CECR2: variants seen among roughly 807,000 people sequenced by gnomAD.
The protein encoded by CECR2 is CECR2 histone acetyl-lysine reader, also known as chromatin remodeling regulator CECR2.
CECR2 carries 30 observed loss-of-function variants against 154.5 expected under a neutral mutation model. The ratio of observed to expected loss-of-function variants is 0.19; its 90% CI spans 0.15 to 0.26. The LOEUF (loss-of-function observed/expected upper bound fraction) is 0.26, where lower values mean the gene tolerates loss of function less well. Ranked by LOEUF, CECR2 falls within the 10% of genes least tolerant of loss-of-function variation. The pLI, the probability that CECR2 is intolerant of heterozygous loss-of-function variation, is 1.00. For synonymous variants in CECR2, 725 were observed against 683.7 expected, an observed-to-expected ratio of 1.06 and a Z score of -0.94; for missense variants, 1,743 against 1,829.3, an observed-to-expected ratio of 0.95 and a Z score of 0.86.
At chr22:17,382,120 G>A (rs550679506) in intron 1 of CECR2, among the ~76,000 whole-genome samples, 21 of 151,408 alleles carry the variant, frequency 1.4e-4, no homozygotes, top group Non-Finnish European at 2.2e-4. Flanking sequence ...TTGATCTCCT[G>A]ACCTTGTGAT....
Position 17,548,217 on chromosome 22 carries a change from A to C in CECR2, c.2930A>C (p.Gln977Pro). Residue 977 changes from glutamine to proline, a missense_variant, in exon 17 of 19, where the codon CAA (glutamine) becomes CCA (proline). Physicochemically the swap from Gln to Pro is moderately conservative, Grantham distance 76. Coordinates refer to ENST00000262608, the MANE Select transcript of CECR2 (RefSeq NM_001290047.2). ...ACTTCAGAGGGGGTCTACCTCACAC[A>C]ACTACCTCACCCCACACCTCCCCTG... ...VGTSEGVYLT[Q>P]LPHPTPPLQT... 1.3e-6 allele frequency: 2 copies of C among 1,594,878 alleles called. No homozygotes were observed. The highest frequency in any genetic ancestry group is 2.3e-5 in the South Asian group (2 of 88,108).
chr22:17,499,636 T>G (rs555971972), intron 4 of CECR2, 87 bp downstream of exon 4: 2 of 1,366,670 alleles, frequency 1.5e-6, no homozygotes, highest in Admixed American at 5.6e-5. Flanking sequence ...GCACAATTTT[T>G]TTTTCCTAAT....
Position 17,552,055 on chromosome 22 carries a change from G to T in CECR2, c.4302G>T (p.Ser1434=), listed in dbSNP as rs746790177. Residue 1434 remains serine (S), a synonymous_variant, in exon 18 of 19, where the codon TCG becomes TCT. Transcript: ENST00000262608. The part of the protein sequence containing the change: ...PSGMQMHPVQ[S]QASFPKTPTA... ...GAATGCAGATGCACCCGGTCCAGTC[G>T]CAGGCCTCGTTCCCAAAGACCCCCA... 51 of 1,613,798 alleles carry T rather than the reference G, an allele frequency of 3.2e-5. 1 individual carries two copies. The South Asian group carries it at 4.6e-4, about 15-fold the overall frequency.
intron 8 of CECR2, among the ~76,000 whole-genome samples, chr22:17,522,010 T>A (rs893253204): frequency 5.9e-5 from 9 of 152,336 alleles, no homozygotes; most frequent in African/African-American, 2.2e-4. Flanking sequence ...AAATACGGAA[T>A]CCTTTCCCTG....
intron 2 of CECR2, among the ~76,000 whole-genome samples, chr22:17,485,450 C>A (rs891537852): frequency 6.6e-6 from 1 of 152,162 alleles, no homozygotes; most frequent in Non-Finnish European, 1.5e-5. Flanking sequence ...TAAGATTACA[C>A]CCGAACCCAA....
At chr22:17,432,936 A>G (rs906533601) in intron 1 of CECR2, among the ~76,000 whole-genome samples, 3 of 152,228 alleles carry the variant, frequency 2.0e-5, no homozygotes, top group African/African-American at 7.2e-5. Flanking sequence ...TATTGATGAC[A>G]GTCAGATGCT....
At chr22:17,411,254 C>T (rs1306707426) in intron 1 of CECR2, among the ~76,000 whole-genome samples, 1 of 152,122 alleles carries the variant, frequency 6.6e-6, no homozygotes, top group East Asian at 1.9e-4. Flanking sequence ...TTTCTACCTG[C>T]CTTATGGGAA....
intron 1 of CECR2, among the ~76,000 whole-genome samples, chr22:17,430,830 G>C (rs762648267): frequency 1.3e-5 from 2 of 152,036 alleles, no homozygotes; most frequent in African/African-American, 4.8e-5. Flanking sequence ...CATTGGCTAC[G>C]TAAGTCATAA....
At chr22:17,509,203 A>G (rs1328134955) in intron 7 of CECR2, among the ~76,000 whole-genome samples, 2 of 152,192 alleles carry the variant, frequency 1.3e-5, no homozygotes, top group East Asian at 3.8e-4. Context: ...GTGAGATGAG[A>G]TCGCACCACT....
At chr22:17,362,540 T>A (rs1405703557) in intron 1 of CECR2, among the ~76,000 whole-genome samples, 1 of 129,502 alleles carries the variant, frequency 7.7e-6, no homozygotes, top group Non-Finnish European at 1.8e-5. Context: ...AAAAAATAAT[T>A]TTTTAGTTCA....
intron 2 of CECR2, among the ~76,000 whole-genome samples, chr22:17,488,395 C>G (rs376774212): frequency 6.6e-6 from 1 of 152,188 alleles, no homozygotes; most frequent in African/African-American, 2.4e-5. Flanking sequence ...AGTCACTATC[C>G]TACTGAAGAA....
chr22:17,414,190 T>C (rs926675472), intron 1 of CECR2, among the ~76,000 whole-genome samples: 13 of 151,700 alleles, frequency 8.6e-5, no homozygotes, highest in East Asian at 1.9e-4. Context: ...GCCAGGATGG[T>C]CTCGATCGCC....
intron 6 of CECR2, among the ~76,000 whole-genome samples, chr22:17,504,175 C>T (rs1420639350): frequency 6.6e-6 from 1 of 151,962 alleles, no homozygotes; most frequent in Non-Finnish European, 1.5e-5. Flanking sequence ...AATTAGAGCC[C>T]AGCCTGGACA....
intron 1 of CECR2, among the ~76,000 whole-genome samples, chr22:17,411,474 G>T (rs371038087): frequency 7.4e-4 from 112 of 152,294 alleles, no homozygotes; most frequent in African/African-American, 2.6e-3. Context: ...TAATGGGCCT[G>T]GGATGTGCAA....
At chr22:17,488,125 GC>G (rs759414450) in intron 2 of CECR2, among the ~76,000 whole-genome samples, 4 of 151,900 alleles carry the variant, frequency 2.6e-5, no homozygotes, top group South Asian at 2.1e-4. Context: ...CAGGTGATCT[GC>G]CCCCCCTTGG....
chr22:17,539,147 T>C (rs1250230790), intron 13 of CECR2, 28 bp downstream of exon 13: 1 of 1,607,820 alleles, frequency 6.2e-7, no homozygotes, highest in Admixed American at 1.7e-5. Context: ...TTGTGCTAGA[T>C]ACATATCTGT....
At chr22:17,395,051 A>C (rs1281740392) in intron 1 of CECR2, among the ~76,000 whole-genome samples, 2 of 152,194 alleles carry the variant, frequency 1.3e-5, no homozygotes, top group East Asian at 3.8e-4. Context: ...CCATCAATCA[A>C]GATACAGAGC....
upstream of CECR2, among the ~76,000 whole-genome samples, chr22:17,365,142 T>C (rs1278515232): frequency 1.3e-5 from 2 of 151,732 alleles, no homozygotes; most frequent in South Asian, 2.1e-4. Context: ...GAGAATTGCT[T>C]GAACCCAGGA....
chr22:17,441,879 A>C (rs1002115051), intron 1 of CECR2, among the ~76,000 whole-genome samples: 16 of 152,380 alleles, frequency 1.1e-4, no homozygotes, highest in African/African-American at 3.1e-4. Flanking sequence ...ATGTTGAAGT[A>C]TAAAATAAAG....
Sources: gnomAD v4.1 joint callset for allele counts (sites outside exome capture counted in the v4.1 genomes callset) on GRCh38, gnomAD v4.1.1 for gene constraint, MANE v1.5 for transcripts, NCBI Gene and HGNC (gene_info 2026-07-23, HGNC 2026-07-21) for gene names.